C15orf39: variants seen among roughly 807,000 people sequenced by gnomAD.
C15orf39 encodes the protein PRMT2 interacting protein, also known as uncharacterized protein C15orf39.
In C15orf39, 24 loss-of-function variants were observed where a neutral mutation model predicts 53.9. That is an observed-to-expected ratio of 0.45 (90% CI 0.32 to 0.63). The LOEUF (loss-of-function observed/expected upper bound fraction) is 0.63, where lower values mean the gene tolerates loss of function less well. C15orf39 is among the 20% of genes least tolerant of loss of function. C15orf39 has a pLI of 0.04. For missense variants in C15orf39, 1,271 were observed against 1,347.9 expected, an observed-to-expected ratio of 0.94 and a Z score of 0.89; for synonymous variants, 569 against 576.5, an observed-to-expected ratio of 0.99 and a Z score of 0.19.
At chr15:75,200,097 A>C (rs1456655699), upstream of C15orf39, among the ~76,000 whole-genome samples, 1 of 152,232 alleles carries the variant, frequency 6.6e-6, no homozygotes, top group Non-Finnish European at 1.5e-5. Context: ...CACAGTTGCT[A>C]AGGCAGGTCT....
Position 75,207,467 on chromosome 15 carries a change from C to G in C15orf39, c.1419C>G (p.Pro473=), listed in dbSNP as rs766979355. Residue 473 remains proline, a synonymous_variant, in exon 2 of 3, where the codon CCC becomes CCG. Transcript: ENST00000394987. ...VIRDSPVPCT[P]PALPPCAREC... ...GAGACAGTCCAGTTCCCTGTACCCC[C>G]CCAGCACTGCCCCCCTGTGCCCGGG... 6.2e-6 allele frequency: 10 copies of G among 1,613,572 alleles called. No homozygotes were observed. The highest frequency in any genetic ancestry group is 1.3e-5 in the African/African-American group (1 of 74,914).
At chr15:75,210,340 TGGGCTCGGCCTC>T (rs1410765762) in intron 2 of C15orf39, among the ~76,000 whole-genome samples, 1 of 152,202 alleles carries the variant, frequency 6.6e-6, no homozygotes, top group African/African-American at 2.4e-5. Flanking sequence ...AGTCCCTACC[TGGGCTCGGCCTC>T]GGGCTTGGGC....
At chr15:75,208,922 C>T (rs1322948304) in intron 2 of C15orf39, 98 bp downstream of exon 2, 2 of 1,482,418 alleles carry the variant, frequency 1.3e-6, no homozygotes, top group African/African-American at 2.8e-5. Flanking sequence ...TGAGTGATTC[C>T]AAGGACTCCT....
At position 75,207,855 on chromosome 15, in the gene C15orf39, A is replaced by G. The variant is rs769385642; in HGVS notation, c.1807A>G (p.Met603Val). 1.2e-5 allele frequency: 20 copies of G among 1,613,442 alleles called. No individual in the cohort carries two copies. Among genetic ancestry groups the G allele is most frequent in the African/African-American group, 5.3e-5 (4 of 74,924 alleles). ...GGAGCATGCCAAGCCTACTGCAGCC[A>G]TGGATGTGCCAGATGTGGGCAACAT... ...SVEHAKPTAA[M>V]DVPDVGNMVS... The change falls in exon 2 of 3, where the codon ATG (methionine) becomes GTG (valine). Residue 603 changes from methionine to valine, a missense_variant. Met to Val is a conservative substitution (Grantham distance 21). This residue lies in a region of C15orf39 where 994 missense variants were observed against 993.7 expected (regional missense o/e 1.00). Coordinates refer to ENST00000394987, the MANE Select transcript of C15orf39 (RefSeq NM_015492.5).
rs745506902 is a variant in C15orf39 at position 75,208,727 on chromosome 15, C to T, written c.2679C>T (p.Thr893=). The T allele has an allele frequency of 1.9e-6, 3 of 1,607,314 alleles. No homozygotes were observed. Among genetic ancestry groups the T allele is most frequent in the Non-Finnish European group, 2.5e-6 (3 of 1,179,806 alleles). Residue 893 remains threonine, a synonymous_variant, in exon 2 of 3, where the codon ACC becomes ACT. Coordinates refer to ENST00000394987, the MANE Select transcript of C15orf39 (RefSeq NM_015492.5). ...GGGAGCTCGCCCTGCCAGGCTGCACCTCACGCATGCTGAAGTTACTGGCGC... is the reference window on the plus strand; with the variant it reads ...GGGAGCTCGCCCTGCCAGGCTGCACTTCACGCATGCTGAAGTTACTGGCGC... ...ALRELALPGC[T]SRMLKLLALR... is the part of the protein sequence containing the mutation.
Position 75,211,410 on chromosome 15 carries a change from G to T in C15orf39, c.*294G>T, listed in dbSNP as rs965655625. 5.5e-6 allele frequency: 2 copies of T among 363,226 alleles called. No individual in the cohort carries two copies. Among genetic ancestry groups the T allele is most frequent in the Admixed American group, 8.9e-5 (2 of 22,400 alleles). 22.5% of individuals were successfully genotyped at this position (363,226 alleles called of 1,614,324 possible). On this transcript the variant is annotated 3_prime_UTR_variant, in exon 3 of 3. Coordinates refer to ENST00000394987, the MANE Select transcript of C15orf39 (RefSeq NM_015492.5). ...CTCGTGTTCTTGCTGCAGGACCTGG[G>T]CAAGAAACTTCACCTCTGCTGAGCC...
rs1159676042 is a variant in C15orf39 at position 75,206,843 on chromosome 15, G to A, written c.795G>A (p.Gly265=). 2 of 1,589,596 alleles carry A rather than the reference G, an allele frequency of 1.3e-6. 1 individual carries two copies. Among genetic ancestry groups the A allele is most frequent in the South Asian group, 2.3e-5 (2 of 86,930 alleles). ...TGGGGCCACCCTGTCAGGACACCGG[G>A]CCCACCCACTACCCACCACCCCACC... ...QPLGPPCQDT[G]PTHYPPPHHP... The change falls in exon 2 of 3, where the codon GGG becomes GGA. Residue 265 remains glycine (G), a synonymous_variant. Transcript: ENST00000394987.
At position 75,207,648 on chromosome 15, in the gene C15orf39, C is replaced by A; in HGVS notation, c.1600C>A (p.Pro534Thr). Residue 534 changes from proline to threonine, a missense_variant, in exon 2 of 3, where the codon CCT (proline) becomes ACT (threonine). Pro to Thr is a conservative substitution (Grantham distance 38). Transcript: ENST00000394987. ...TTEPDSATAEPDSAPATSEGQ... is the reference protein window; with the variant it reads ...TTEPDSATAETDSAPATSEGQ... ...TGAGCCTGACTCTGCCACAGCTGAG[C>A]CTGACTCAGCCCCAGCCACCAGTGA... The A allele has an allele frequency of 1.2e-6, 2 of 1,612,098 alleles. No individual in the cohort carries two copies.
intron 1 of C15orf39, 123 bp from the exon 2 acceptor site, chr15:75,205,876 C>T (rs967529085): frequency 2.7e-5 from 18 of 668,968 alleles, no homozygotes; most frequent in Admixed American, 1.5e-4. Flanking sequence ...ACAGTCTTAA[C>T]TGAGCATCAT....
intron 1 of C15orf39, among the ~76,000 whole-genome samples, chr15:75,202,670 G>C (rs997842206): frequency 2.7e-5 from 4 of 148,536 alleles, no homozygotes; most frequent in Admixed American, 1.3e-4. Flanking sequence ...TCGGTGTGGG[G>C]CTGGGTGCGC....
rs752346892 is a variant in C15orf39 at position 75,206,701 on chromosome 15, A to C, written c.653A>C (p.Gln218Pro). The C allele has an allele frequency of 6.2e-7, 1 of 1,613,648 alleles. No homozygotes were observed. Among genetic ancestry groups the C allele is most frequent in the African/African-American group, 1.3e-5 (1 of 74,902 alleles). Reference sequence around the variant, plus strand: ...TGCCAGCCCTTCCTGGAGAAATATCAGACCATCCACAGCACGGGCTTCCTG... The same window carrying C: ...TGCCAGCCCTTCCTGGAGAAATATCCGACCATCCACAGCACGGGCTTCCTG... ...SPCQPFLEKY[Q>P]TIHSTGFLAS... Residue 218 changes from glutamine to proline, a missense_variant, in exon 2 of 3, where the codon CAG (glutamine) becomes CCG (proline). Gln to Pro is a moderately conservative substitution (Grantham distance 76). This residue lies in a region of C15orf39 where 994 missense variants were observed against 993.7 expected (regional missense o/e 1.00). Coordinates refer to ENST00000394987, the MANE Select transcript of C15orf39 (RefSeq NM_015492.5).
chr15:75,208,836 G>A lies in C15orf39; in HGVS notation c.2776+12G>A, dbSNP rs1414354879. 6.3e-7 allele frequency: 1 copy of A among 1,578,636 alleles called. No homozygotes were observed. Among genetic ancestry groups the A allele is most frequent in the Non-Finnish European group, 8.6e-7 (1 of 1,163,394 alleles). On this transcript the variant is annotated intron_variant, in intron 2 of 2. Transcript: ENST00000394987. Reference sequence around the variant, plus strand: ...ACGCCGCCAGCTGGGTGAGCATGGGGCAGCCCCAGTGGCCACCGGAGCTGT... The same window carrying A: ...ACGCCGCCAGCTGGGTGAGCATGGGACAGCCCCAGTGGCCACCGGAGCTGT...
At chr15:75,200,493 G>C (rs746286930), upstream of C15orf39, among the ~76,000 whole-genome samples, 3 of 152,192 alleles carry the variant, frequency 2.0e-5, no homozygotes, top group Non-Finnish European at 2.9e-5. Context: ...CAGGGTCGCC[G>C]GCGCGGTGCT....
At chr15:75,205,505 AG>A (rs1232987346) in intron 1 of C15orf39, among the ~76,000 whole-genome samples, 18 of 152,272 alleles carry the variant, frequency 1.2e-4, no homozygotes. Context: ...CATTAAACAA[AG>A]GGTTCTGCAG....
Position 75,202,693 on chromosome 15 carries a change from G to T in C15orf39, c.-51+634G>T, listed in dbSNP as rs941455037. On this transcript the variant is annotated intron_variant, in intron 1 of 2. Coordinates refer to ENST00000394987, the MANE Select transcript of C15orf39 (RefSeq NM_015492.5). The stretch of plus-strand genomic sequence containing the variant: ...GGGCTGGGTGCGCGGGCCTGCCTGC[G>T]TGCACACGTATGCCCGGGGCCCGAG... 5.3e-5 allele frequency among the ~76,000 whole-genome samples: 8 copies of T among 150,864 alleles called. 1 individual carries two copies. The highest frequency in any genetic ancestry group is 2.0e-4 in the African/African-American group (8 of 40,178).
Position 75,211,025 on chromosome 15 carries a change from TG to T in C15orf39, c.3055del (p.Ala1019LeufsTer72). The T allele has an allele frequency of 1.2e-6, 2 of 1,610,264 alleles. No individual in the cohort carries two copies. The highest frequency in any genetic ancestry group is 1.7e-6 in the Non-Finnish European group (2 of 1,180,000). ...SLLETAWLNG[L>X]ALPTWGHKSS... ...CTGGAGACCGCCTGGCTCAATGGCCTGGCTCTGCCCACCTGGGGCCACAAGT... is the reference window on the plus strand; with the variant it reads ...CTGGAGACCGCCTGGCTCAATGGCCTGCTCTGCCCACCTGGGGCCACAAGT... On this transcript the variant is annotated frameshift_variant, in exon 3 of 3. Transcript: ENST00000394987. LOFTEE classifies it high-confidence loss of function.
chr15:75,201,352 C>A (rs1451465441), upstream of C15orf39, among the ~76,000 whole-genome samples: 1 of 152,206 alleles, frequency 6.6e-6, no homozygotes, highest in Non-Finnish European at 1.5e-5. This position sits in a 1 kb window ranked among gnomAD's most constrained non-coding sequence, Gnocchi z 4.7. Flanking sequence ...TTGCCGCTTC[C>A]TCAGACAGTT....
chr15:75,203,129 G>A (rs910797892), intron 1 of C15orf39, among the ~76,000 whole-genome samples: 9 of 152,254 alleles, frequency 5.9e-5, no homozygotes, highest in African/African-American at 2.2e-4. Context: ...GAATCCAGAT[G>A]CTGGCCACAA....
In C15orf39 at chr15:75,211,706, G is replaced by T. The variant is rs1595957542; in HGVS notation, c.*590G>T. The T allele has an allele frequency of 6.6e-6, 1 of 152,344 alleles. No homozygotes were observed. Among genetic ancestry groups the T allele is most frequent in the South Asian group, 2.1e-4 (1 of 4,834 alleles). The allele number at this position is 152,344 out of a possible 1,614,324, so 9.4% of individuals were successfully genotyped here. A position where few individuals can be genotyped will look rare whatever the true frequency, so the allele number is the denominator to read the frequency against. On this transcript the variant is annotated 3_prime_UTR_variant, in exon 3 of 3. Coordinates refer to ENST00000394987, the MANE Select transcript of C15orf39 (RefSeq NM_015492.5). Reference sequence around the variant, plus strand: ...GTTGGGTTGGCCCTACTCCAGCCTGGAGCTCCCTGAGGGAGCCTGCACTCC... The same window carrying T: ...GTTGGGTTGGCCCTACTCCAGCCTGTAGCTCCCTGAGGGAGCCTGCACTCC...
Sources: allele counts gnomAD v4.1 joint callset (sites outside exome capture counted in the v4.1 genomes callset), GRCh38; gene constraint gnomAD v4.1.1; regional missense constraint gnomAD v4.1.1; non-coding constraint Gnocchi (gnomAD v3.1); transcripts MANE v1.5; gene names NCBI Gene and HGNC (gene_info 2026-07-23, HGNC 2026-07-21).